Variants in SHANK2 observed in about 807,000 individuals in gnomAD.
SHANK2 encodes SH3 and multiple ankyrin repeat domains 2.
SHANK2 carries 43 observed loss-of-function variants against 133.7 expected under a neutral mutation model. The ratio of observed to expected loss-of-function variants is 0.32; its 90% CI spans 0.25 to 0.41. SHANK2 has a LOEUF of 0.41. Among genes scored for constraint, SHANK2 ranks in the 10% least tolerant of loss-of-function variants. The probability of loss-of-function intolerance (pLI) is 1.00; values close to 1 mark genes in which losing one functional copy is unlikely to be tolerated. For missense variants in SHANK2, 1,994 were observed against 2,235.8 expected, an observed-to-expected ratio of 0.89 and a Z score of 2.18; for synonymous variants, 1,017 against 952.8, an observed-to-expected ratio of 1.07 and a Z score of -1.24.
intron 14 of SHANK2, among the ~76,000 whole-genome samples, chr11:70,756,389 G>C (rs1269366061): frequency 6.6e-6 from 1 of 152,200 alleles, no homozygotes; most frequent in Non-Finnish European, 1.5e-5. Flanking sequence ...GCTGGCCACG[G>C]TGCTGGGCCT....
At position 71,252,240 on chromosome 11, in the gene SHANK2, C is replaced by A. The variant is rs1485687327; in HGVS notation, c.-113+185G>T. On this transcript the variant is annotated intron_variant, in intron 1 of 25. Coordinates refer to ENST00000601538, the MANE Select transcript of SHANK2 (RefSeq NM_012309.5). The surrounding 1 kb of genome is among the most constrained non-coding windows in gnomAD (Gnocchi z 6.3). ...CGGAAAATCGACCCCCACCTGGACA[C>A]GCGGCTCACTCCCCCCAGCGCCCAC... Among the ~76,000 whole-genome samples the A allele has an allele frequency of 6.6e-6, 1 of 152,128 alleles. No homozygotes were observed. The highest frequency in any genetic ancestry group is 1.5e-5 in the Non-Finnish European group (1 of 68,018).
At chr11:70,773,647 A>G (rs1947302124) in intron 14 of SHANK2, among the ~76,000 whole-genome samples, 2 of 152,216 alleles carry the variant, frequency 1.3e-5, no homozygotes, top group African/African-American at 4.8e-5. Context: ...TATTACTTGT[A>G]TAATAAAGTA....
At chr11:70,769,472 C>A (rs1391855883) in intron 14 of SHANK2, among the ~76,000 whole-genome samples, 13 of 152,182 alleles carry the variant, frequency 8.5e-5, no homozygotes, top group Non-Finnish European at 1.5e-4. Context: ...AAGGACAGAG[C>A]ATGTCCCTGA....
Position 71,103,877 on chromosome 11 carries a change from T to C in SHANK2, c.592+6064A>G, listed in dbSNP as rs868984305. Among the ~76,000 whole-genome samples, 388 of 87,870 alleles carry C rather than the reference T, an allele frequency of 4.4e-3. 2 individuals carry two copies. Among genetic ancestry groups the C allele is most frequent in the South Asian group, 0.011 (23 of 2,072 alleles). 57.6% of individuals were successfully genotyped at this position (87,870 alleles called of 152,430 possible). On this transcript the variant is annotated intron_variant, in intron 6 of 25. Coordinates refer to ENST00000601538, the MANE Select transcript of SHANK2 (RefSeq NM_012309.5). ...CCCTCCCCTTCTCCCTCTCCCCCCC[T>C]CTTTCTCTCTCTCTCTCCTGCTTTC...
In SHANK2 at chr11:70,690,488, G is replaced by GTTTTTTTTTTTTTTTT. The variant is rs35737323; in HGVS notation, c.1853+8184_1853+8199dup. 8.2e-4 allele frequency among the ~76,000 whole-genome samples: 27 copies of GTTTTTTTTTTTTTTTT among 32,816 alleles called. 4 individuals carry two copies. Among genetic ancestry groups the GTTTTTTTTTTTTTTTT allele is most frequent in the East Asian group, 2.5e-3 (2 of 790 alleles). The allele number at this position is 32,816 out of a possible 152,430, so 21.5% of individuals were successfully genotyped here. The stretch of plus-strand genomic sequence containing the variant: ...ATCATCATAATGTAATACTTCCCAT[G>GTTTTTTTTTTTTTTTT]TTTTTTTTTTTTTTTTTTTTTTTTT... On this transcript the variant is annotated intron_variant, in intron 15 of 25. Coordinates refer to ENST00000601538, the MANE Select transcript of SHANK2 (RefSeq NM_012309.5).
rs2058570039 is a variant in SHANK2, at chr11:70,469,346, A to AGAT, written c.*3520_*3522dup. The AGAT allele has an allele frequency of 6.6e-6, 1 of 152,660 alleles. No individual in the cohort carries two copies. The highest frequency in any genetic ancestry group is 2.1e-4 in the South Asian group (1 of 4,832). 9.5% of individuals were successfully genotyped at this position (152,660 alleles called of 1,614,324 possible). ...GAGGCAGAGCTGGCCACAATGCCTGAGATAATCTACATTAGATTGCAAGTC... is the reference window on the plus strand; with the variant it reads ...GAGGCAGAGCTGGCCACAATGCCTGAGATGATAATCTACATTAGATTGCAAGTC... On this transcript the variant is annotated 3_prime_UTR_variant, in exon 26 of 26. Coordinates refer to ENST00000601538, the MANE Select transcript of SHANK2 (RefSeq NM_012309.5).
chr11:71,114,885 C>T (rs1288818247), intron 4 of SHANK2, among the ~76,000 whole-genome samples: 3 of 152,088 alleles, frequency 2.0e-5, no homozygotes, highest in East Asian at 1.9e-4. Flanking sequence ...TAAAACAATC[C>T]GCTTGGGCCC....
At chr11:70,516,150 C>G (rs9943672) in intron 17 of SHANK2, among the ~76,000 whole-genome samples, 41,705 of 152,038 alleles carry the variant, frequency 0.27, 6,147 homozygotes, top group African/African-American at 0.39. Flanking sequence ...ATATGGAAAG[C>G]TAAGAGGCCC....
intron 9 of SHANK2, among the ~76,000 whole-genome samples, chr11:71,065,088 G>A (rs1051777863): frequency 1.2e-4 from 18 of 152,260 alleles, no homozygotes; most frequent in African/African-American, 3.4e-4. Context: ...GGACAGAGAC[G>A]GGACCTTGGA....
intron 10 of SHANK2, among the ~76,000 whole-genome samples, chr11:70,924,791 T>C (rs1286093175): frequency 6.6e-6 from 1 of 152,234 alleles, no homozygotes; most frequent in African/African-American, 2.4e-5. Flanking sequence ...TTTACACTTT[T>C]ATTATCTCAT....
At chr11:70,748,595 AT>A (rs1555036781) in intron 14 of SHANK2, among the ~76,000 whole-genome samples, 1 of 152,086 alleles carries the variant, frequency 6.6e-6, no homozygotes, top group Admixed American at 6.6e-5. Flanking sequence ...TAAAATAAAT[AT>A]TTTCTAATGC....
chr11:70,489,803 G>A (rs1388121336), intron 23 of SHANK2: 1 of 278,722 alleles, frequency 3.6e-6, no homozygotes, highest in African/African-American at 2.3e-5. Context: ...GCAGTTTTCT[G>A]CAACACACAG....
At position 70,487,881 on chromosome 11, in the gene SHANK2, C is replaced by T. The variant is rs1305284719; in HGVS notation, c.2573-161G>A. 2.0e-5 allele frequency among the ~76,000 whole-genome samples: 3 copies of T among 152,212 alleles called. No individual in the cohort carries two copies. Among genetic ancestry groups the T allele is most frequent in the Non-Finnish European group, 1.5e-5 (1 of 68,034 alleles). ...AGCCACGATGCCGAGTGGTTAGTCA[C>T]ATGGCCCGTCGTGAGCCAAAGGACA... On this transcript the variant is annotated intron_variant, in intron 24 of 25. Transcript: ENST00000601538. This position sits in a 1 kb window ranked among gnomAD's most constrained non-coding sequence, Gnocchi z 5.8.
intron 2 of SHANK2, among the ~76,000 whole-genome samples, chr11:71,178,711 C>T (rs957868427): frequency 2.0e-5 from 3 of 152,156 alleles, no homozygotes; most frequent in South Asian, 2.1e-4. Context: ...TGGCCAGGCG[C>T]GGTGACTCAC....
chr11:70,827,911 G>T (rs1948670315), intron 11 of SHANK2, among the ~76,000 whole-genome samples: 1 of 152,142 alleles, frequency 6.6e-6, no homozygotes, highest in Non-Finnish European at 1.5e-5. Flanking sequence ...CTCGGTGAGG[G>T]CCTCTGGCTT....
At chr11:70,776,299 C>G (rs1286669439) in intron 14 of SHANK2, among the ~76,000 whole-genome samples, 1 of 152,216 alleles carries the variant, frequency 6.6e-6, no homozygotes, top group Non-Finnish European at 1.5e-5. Flanking sequence ...AAGCCCCAAC[C>G]CCATTCCTCT....
chr11:70,863,974 C>T (rs2135514073), intron 11 of SHANK2: 1 of 408,726 alleles, frequency 2.4e-6, no homozygotes, highest in Admixed American at 2.9e-5. Context: ...GTTTTTGATA[C>T]TTTCTTATGG....
intron 2 of SHANK2, among the ~76,000 whole-genome samples, chr11:71,195,121 G>T (rs1420841822): frequency 6.6e-6 from 1 of 152,226 alleles, no homozygotes; most frequent in Non-Finnish European, 1.5e-5. Context: ...GGCCAGGTGT[G>T]GTGGCTGACG....
intron 1 of SHANK2, among the ~76,000 whole-genome samples, chr11:71,227,436 G>C (rs1174250366): frequency 6.6e-6 from 1 of 152,018 alleles, no homozygotes; most frequent in Non-Finnish European, 1.5e-5. Flanking sequence ...GTTAATATTA[G>C]ATAAAGTAGA....
Sources: gnomAD v4.1 joint callset for allele counts (sites outside exome capture counted in the v4.1 genomes callset) on GRCh38, gnomAD v4.1.1 for gene constraint, Gnocchi (gnomAD v3.1) non-coding constraint, MANE v1.5 for transcripts, NCBI Gene and HGNC (gene_info 2026-07-23, HGNC 2026-07-21) for gene names.